Variants in CDH18 observed in about 807,000 individuals in gnomAD.
The protein encoded by CDH18 is cadherin-18.
In CDH18, 31 loss-of-function variants were observed where a neutral mutation model predicts 67.9. The observed-to-expected ratio is 0.46, with a 90% CI of 0.34 to 0.62. CDH18 has a LOEUF of 0.62. CDH18 is among the 20% of genes least tolerant of loss of function. CDH18 has a pLI of 0.01. For missense variants in CDH18, 890 were observed against 975.5 expected, an observed-to-expected ratio of 0.91 and a Z score of 1.17; for synonymous variants, 362 against 347.2, an observed-to-expected ratio of 1.04 and a Z score of -0.48.
chr5:20,084,614 C>T (rs1031781923), intron 2 of CDH18, among the ~76,000 whole-genome samples: 4 of 152,206 alleles, frequency 2.6e-5, no homozygotes, highest in Middle Eastern at 3.2e-3. Context: ...AGAGCCCTGT[C>T]CCTGTAGCAA....
At chr5:19,682,788 C>A (rs1039681173) in intron 5 of CDH18, among the ~76,000 whole-genome samples, 4 of 151,970 alleles carry the variant, frequency 2.6e-5, no homozygotes, top group South Asian at 2.1e-4. Flanking sequence ...CTATCAAATT[C>A]CTTTATATAT....
intron 1 of CDH18, among the ~76,000 whole-genome samples, chr5:20,431,434 C>A (rs1363544459): frequency 7.1e-6 from 1 of 141,708 alleles, no homozygotes; most frequent in African/African-American, 2.7e-5. Context: ...GTGGAGGCTG[C>A]AGTGAACCGA....
chr5:20,308,292 C>A (rs1241813372), intron 1 of CDH18, among the ~76,000 whole-genome samples: 1 of 152,008 alleles, frequency 6.6e-6, no homozygotes. Context: ...ACTGTAATCC[C>A]AGCACTTTGG....
intron 1 of CDH18, among the ~76,000 whole-genome samples, chr5:20,418,845 T>A (rs1747572113): frequency 6.6e-6 from 1 of 151,872 alleles, no homozygotes. Flanking sequence ...TGTTAGGAGG[T>A]GGGGCCTTTG....
Position 20,402,403 on chromosome 5 carries a change from A to G in CDH18, c.-579-146898T>C, listed in dbSNP as rs186106000. Among the ~76,000 whole-genome samples the G allele has an allele frequency of 2.5e-3, 377 of 152,302 alleles. 4 individuals carry two copies. Among genetic ancestry groups the G allele is most frequent in the Admixed American group, 0.02 (301 of 15,288 alleles). ...ACCAATGCTTGTGAAATATGTGTCT[A>G]GAAGGTACATTTAGTGAGAGAATAA... On this transcript the variant is annotated intron_variant, in intron 1 of 14. Transcript: ENST00000507958.
rs374438146 is a variant in CDH18, at chr5:19,847,645, T to C, written c.-256-8403A>G. Among the ~76,000 whole-genome samples, 4 of 152,200 alleles carry C rather than the reference T, an allele frequency of 2.6e-5. No individual in the cohort carries two copies. In the East Asian group the frequency reaches 5.8e-4, roughly 22 times the overall value. On this transcript the variant is annotated intron_variant, in intron 2 of 12. Coordinates refer to ENST00000382275, the MANE Select transcript of CDH18 (RefSeq NM_004934.5). ...GAGCCCTGTTTTCCTGTTTGTTCAT[T>C]TTCCTTTTACCTTTGTGTTGGTATC...
intron 1 of CDH18, among the ~76,000 whole-genome samples, chr5:20,347,298 G>T (rs996067007): frequency 6.6e-6 from 1 of 152,106 alleles, no homozygotes; most frequent in Non-Finnish European, 1.5e-5. Context: ...TTCTTCCGAG[G>T]CCTGCTAGAC....
intron 3 of CDH18, among the ~76,000 whole-genome samples, chr5:19,750,321 C>A (rs936477404): frequency 3.3e-5 from 5 of 152,096 alleles, no homozygotes; most frequent in South Asian, 2.1e-4. Context: ...CTGAGAGAAA[C>A]CTTGAGTATT....
At chr5:19,937,151 T>C (rs1280715410) in intron 2 of CDH18, among the ~76,000 whole-genome samples, 1 of 151,386 alleles carries the variant, frequency 6.6e-6, no homozygotes, top group Non-Finnish European at 1.5e-5. Flanking sequence ...GTTTACACTG[T>C]TGAGGGACAG....
chr5:19,707,447 T>C (rs1052604893), intron 5 of CDH18, among the ~76,000 whole-genome samples: 1 of 152,194 alleles, frequency 6.6e-6, no homozygotes, highest in Non-Finnish European at 1.5e-5. Context: ...CCACCACTTC[T>C]ACGGCCTGTA....
chr5:20,548,236 G>A (rs1364502358), intron 1 of CDH18, among the ~76,000 whole-genome samples: 2 of 150,522 alleles, frequency 1.3e-5, no homozygotes, highest in Non-Finnish European at 3.0e-5. Context: ...TTAAAGACAG[G>A]TATATTGGAC....
intron 2 of CDH18, among the ~76,000 whole-genome samples, chr5:19,861,940 T>C (rs1434725602): frequency 6.6e-6 from 1 of 152,148 alleles, no homozygotes; most frequent in African/African-American, 2.4e-5. Context: ...CAGAAACAGT[T>C]CTGGCTGGAA....
At chr5:20,080,335 G>A (rs1439833906) in intron 2 of CDH18, among the ~76,000 whole-genome samples, 3 of 151,994 alleles carry the variant, frequency 2.0e-5, no homozygotes, top group Admixed American at 2.0e-4. Context: ...TTGCTTAACT[G>A]CAAAGTAATA....
At position 19,731,623 on chromosome 5, in the gene CDH18, A is replaced by G. The variant is rs571597178; in HGVS notation, c.524-10157T>C. The stretch of plus-strand genomic sequence containing the variant: ...CATTCAAAAACTTGAATTACTCAGC[A>G]TATTAGAACCTGACAAATACATATA... On this transcript the variant is annotated intron_variant, in intron 4 of 12. Transcript: ENST00000382275. Among the ~76,000 whole-genome samples, 4 of 152,360 alleles carry G rather than the reference A, an allele frequency of 2.6e-5. No homozygotes were observed. The East Asian group carries it at 7.7e-4, about 29-fold the overall frequency.
intron 5 of CDH18, among the ~76,000 whole-genome samples, chr5:19,638,993 T>TG (rs1561521208): frequency 4.7e-5 from 5 of 107,266 alleles, no homozygotes; most frequent in Admixed American, 1.0e-4. Context: ...TTTTTTTTTT[T>TG]TTTTTTTTTT....
At chr5:20,535,941 A>G (rs929152471) in intron 1 of CDH18, among the ~76,000 whole-genome samples, 1 of 152,108 alleles carries the variant, frequency 6.6e-6, no homozygotes, top group Non-Finnish European at 1.5e-5. Flanking sequence ...TTCACTTTCT[A>G]CTTGCTACAC....
chr5:20,537,398 A>ATT (rs5866435), intron 1 of CDH18, among the ~76,000 whole-genome samples: 1 of 151,816 alleles, frequency 6.6e-6, no homozygotes, highest in African/African-American at 2.4e-5. Flanking sequence ...TAAAAAACTG[A>ATT]TTTTTTATTG....
rs894922247 is a variant in CDH18, at chr5:19,877,789, C to T, written c.-256-38547G>A. Among the ~76,000 whole-genome samples the T allele has an allele frequency of 1.1e-4, 16 of 152,200 alleles. 1 individual carries two copies. Among genetic ancestry groups the T allele is most frequent in the African/African-American group, 3.6e-4 (15 of 41,548 alleles). ...AAGCATGTTCTTCAGCCTTAAGAGA[C>T]AGATGTTTGAGGACAGGCTGTGCTA... On this transcript the variant is annotated intron_variant, in intron 2 of 12. Transcript: ENST00000382275.
intron 2 of CDH18, among the ~76,000 whole-genome samples, chr5:19,912,272 T>C (rs1329840161): frequency 6.6e-6 from 1 of 152,128 alleles, no homozygotes; most frequent in Non-Finnish European, 1.5e-5. Context: ...AGAGGTGTGT[T>C]TCATTCACAT....
Sources: gnomAD v4.1 joint callset for allele counts (sites outside exome capture counted in the v4.1 genomes callset) on GRCh38, gnomAD v4.1.1 for gene constraint, MANE v1.5 for transcripts, NCBI Gene and HGNC (gene_info 2026-07-23, HGNC 2026-07-21) for gene names.